The following CFAP58 variants were observed in gnomAD, a reference collection of about 807,000 sequenced individuals.
The protein encoded by CFAP58 is cilia and flagella associated protein 58, also known as cilia- and flagella-associated protein 58.
CFAP58 carries 88 observed loss-of-function variants against 119.5 expected under a neutral mutation model. That is an observed-to-expected ratio of 0.74 (90% CI 0.62 to 0.88). The LOEUF is 0.88. CFAP58 is among the 40% of genes least tolerant of loss of function. The pLI, the probability that CFAP58 is intolerant of heterozygous loss-of-function variation, is 0.00. For synonymous variants in CFAP58, 365 were observed against 366.3 expected (o/e 1.00, Z 0.04); for missense variants, 990 against 1,021.2 (o/e 0.97, Z 0.42).
intron 15 of CFAP58, among the ~76,000 whole-genome samples, chr10:104,408,118 G>A (rs2012395170): frequency 6.6e-6 from 1 of 152,204 alleles, no homozygotes; most frequent in Middle Eastern, 3.2e-3. Context: ...TTACCCTAAA[G>A]TTGGGTATAC....
intron 14 of CFAP58, among the ~76,000 whole-genome samples, chr10:104,406,270 G>A (rs1268095655): frequency 6.6e-6 from 1 of 152,158 alleles, no homozygotes; most frequent in Non-Finnish European, 1.5e-5. Context: ...CTCAGCCTCA[G>A]TTGTCCTATC....
chr10:104,431,280 G>A (rs969109728), intron 15 of CFAP58, among the ~76,000 whole-genome samples: 1 of 152,188 alleles, frequency 6.6e-6, no homozygotes, highest in African/African-American at 2.4e-5. Context: ...CAAAGGCAAT[G>A]TCTAGTGGAA....
At chr10:104,400,579 T>A in intron 12 of CFAP58, 101 bp from the exon 13 acceptor site, 1 of 940,154 alleles carries the variant, frequency 1.1e-6, no homozygotes, top group African/African-American at 1.6e-5. Flanking sequence ...GCCCAGTACA[T>A]GTGGGCGTTC....
At chr10:104,343,202 G>A in the CFAP58 span, among the ~76,000 whole-genome samples, 1 of 152,200 alleles carries the variant, frequency 6.6e-6, no homozygotes, top group African/African-American at 2.4e-5. Context: ...GCTTTGCTGA[G>A]ACCTCAGAGG....
chr10:104,452,024 C>T (rs940605188), intron 17 of CFAP58, among the ~76,000 whole-genome samples: 1 of 152,100 alleles, frequency 6.6e-6, no homozygotes, highest in Non-Finnish European at 1.5e-5. Context: ...CAGGCATGAG[C>T]CACTGTGCCC....
the CFAP58 span, among the ~76,000 whole-genome samples, chr10:104,348,702 G>A: frequency 6.6e-6 from 1 of 152,148 alleles, no homozygotes; most frequent in Non-Finnish European, 1.5e-5. Context: ...GCCCAGTGCT[G>A]TTCCCCATAC....
chr10:104,370,398 G>T (rs144578429), intron 6 of CFAP58, among the ~76,000 whole-genome samples: 137 of 152,326 alleles, frequency 9.0e-4, no homozygotes, highest in African/African-American at 3.2e-3. Context: ...AATCATGGTG[G>T]AAGGCAAGGA....
At chr10:104,340,736 A>C in the CFAP58 span, among the ~76,000 whole-genome samples, 4 of 152,294 alleles carry the variant, frequency 2.6e-5, no homozygotes, top group African/African-American at 9.6e-5. Context: ...CATGACATGA[A>C]TATAAGCCCA....
chr10:104,441,808 C>T (rs1313949089), intron 15 of CFAP58, among the ~76,000 whole-genome samples: 1 of 152,186 alleles, frequency 6.6e-6, no homozygotes, highest in African/African-American at 2.4e-5. Context: ...CACCAAATGC[C>T]AGCATTTCCT....
rs528561101 is a variant in CFAP58, at chr10:104,419,070, C to T, written c.2256+12277C>T. Reference sequence around the variant, plus strand: ...ATGGTTGAGGAGGCTGTGTCCCCGTCGTGCTCCTGGGGCCTGTTTCTTGGC... The same window carrying T: ...ATGGTTGAGGAGGCTGTGTCCCCGTTGTGCTCCTGGGGCCTGTTTCTTGGC... On this transcript the variant is annotated intron_variant, in intron 15 of 17. Coordinates refer to ENST00000369704, the MANE Select transcript of CFAP58 (RefSeq NM_001008723.2). 7.9e-5 allele frequency among the ~76,000 whole-genome samples: 12 copies of T among 152,288 alleles called. No individual in the cohort carries two copies. In the South Asian group the frequency reaches 1.9e-3, roughly 24 times the overall value.
At position 104,393,406 on chromosome 10, in the gene CFAP58, C is replaced by A; in HGVS notation, c.1605C>A (p.Ala535=). ...QVDELKEDIS[A]KESALVKLHL... ...ATGAGCTGAAAGAAGACATCTCTGCCAAAGAGTCCGCACTTGTGAAGCTGC... is the reference window on the plus strand; with the variant it reads ...ATGAGCTGAAAGAAGACATCTCTGCAAAAGAGTCCGCACTTGTGAAGCTGC... Residue 535 remains alanine (A), a synonymous_variant, in exon 11 of 18, where the codon GCC becomes GCA. Transcript: ENST00000369704. 1 of 1,613,992 alleles carries A rather than the reference C, an allele frequency of 6.2e-7. No homozygotes were observed.
the CFAP58 span, among the ~76,000 whole-genome samples, chr10:104,343,292 G>A: frequency 1.3e-5 from 2 of 152,200 alleles, no homozygotes; most frequent in Non-Finnish European, 2.9e-5. Context: ...CCTCCTCTGG[G>A]AATGTCGGAG....
intron 15 of CFAP58, among the ~76,000 whole-genome samples, chr10:104,417,325 A>G (rs1458119919): frequency 6.6e-6 from 1 of 152,180 alleles, no homozygotes; most frequent in African/African-American, 2.4e-5. Flanking sequence ...TACTGTAAAG[A>G]TTAAGGGAAA....
chr10:104,410,370 C>A (rs192192073), intron 15 of CFAP58, among the ~76,000 whole-genome samples: 2 of 152,350 alleles, frequency 1.3e-5, no homozygotes, highest in East Asian at 1.9e-4. Context: ...ATCTCCAATT[C>A]CTTACTTCTG....
At chr10:104,401,713 A>G (rs2012268336) in intron 13 of CFAP58, among the ~76,000 whole-genome samples, 1 of 152,230 alleles carries the variant, frequency 6.6e-6, no homozygotes, top group South Asian at 2.1e-4. Context: ...GAATATATGC[A>G]GGAATAGCGA....
chr10:104,369,133 T>A (rs1328018844), intron 6 of CFAP58, among the ~76,000 whole-genome samples: 2 of 152,144 alleles, frequency 1.3e-5, no homozygotes, highest in African/African-American at 2.4e-5. Flanking sequence ...CCTACCTGCT[T>A]AACAGAGCAG....
intron 15 of CFAP58, among the ~76,000 whole-genome samples, chr10:104,426,420 C>T (rs1300550973): frequency 6.6e-6 from 1 of 151,890 alleles, no homozygotes; most frequent in African/African-American, 2.4e-5. Context: ...CCTCCTCCCA[C>T]ACCTCCTTCC....
chr10:104,352,732 C>T (rs1430534503), upstream of CFAP58, among the ~76,000 whole-genome samples: 1 of 152,154 alleles, frequency 6.6e-6, no homozygotes, highest in African/African-American at 2.4e-5. Context: ...GAATTAGAGG[C>T]GGCCTTGTTA....
At chr10:104,348,107 A>G in the CFAP58 span, among the ~76,000 whole-genome samples, 1 of 151,016 alleles carries the variant, frequency 6.6e-6, no homozygotes, top group East Asian at 1.9e-4. Context: ...CTGGGGAGGT[A>G]TGTAGGGTGG....
Sources: gnomAD v4.1 joint callset for allele counts (sites outside exome capture counted in the v4.1 genomes callset) on GRCh38, gnomAD v4.1.1 for gene constraint, MANE v1.5 for transcripts, NCBI Gene and HGNC (gene_info 2026-07-23, HGNC 2026-07-21) for gene names.